The following CADPS variants were observed in gnomAD, a reference collection of about 807,000 sequenced individuals.
The protein encoded by CADPS is calcium dependent secretion activator.
Under a neutral mutation model 167.3 loss-of-function variants are expected in CADPS, and 57 were observed. The ratio of observed to expected loss-of-function variants is 0.34; its 90% CI spans 0.28 to 0.42. CADPS has a LOEUF of 0.42. CADPS is among the 20% of genes least tolerant of loss of function. The pLI, the probability that CADPS is intolerant of heterozygous loss-of-function variation, is 1.00. For synonymous variants in CADPS, 676 were observed against 635.3 expected (o/e 1.06, Z -0.96); for missense variants, 1,414 against 1,738.1 (o/e 0.81, Z 3.32).
intron 12 of CADPS, among the ~76,000 whole-genome samples, chr3:62,535,461 G>T (rs2074497510): frequency 2.0e-5 from 3 of 151,254 alleles, no homozygotes; most frequent in Admixed American, 2.0e-4. Context: ...ATAAAAATTA[G>T]AAAAAAGAAA....
At chr3:62,535,726 T>G (rs1338650055) in intron 12 of CADPS, among the ~76,000 whole-genome samples, 1 of 152,068 alleles carries the variant, frequency 6.6e-6, no homozygotes, top group African/African-American at 2.4e-5. Flanking sequence ...TTTTAGGCGT[T>G]TGAATTTGAT....
chr3:62,483,584 A>G (rs1470310465), intron 21 of CADPS, among the ~76,000 whole-genome samples: 4 of 152,124 alleles, frequency 2.6e-5, no homozygotes, highest in Non-Finnish European at 4.4e-5. Context: ...TGTCCTTTAC[A>G]CCTCACATTT....
At chr3:62,868,437 T>G (rs2082082641) in intron 1 of CADPS, among the ~76,000 whole-genome samples, 1 of 152,108 alleles carries the variant, frequency 6.6e-6, no homozygotes, top group Non-Finnish European at 1.5e-5. Context: ...CCATCCCTTT[T>G]TGCAAATCCA....
chr3:62,811,292 T>A (rs1323515003), intron 1 of CADPS, among the ~76,000 whole-genome samples: 3 of 147,280 alleles, frequency 2.0e-5, no homozygotes, highest in African/African-American at 7.4e-5. Context: ...GCCAATCTTA[T>A]AAAAAAAAAA....
At chr3:62,818,341 T>C (rs1387124750) in intron 1 of CADPS, among the ~76,000 whole-genome samples, 2 of 152,020 alleles carry the variant, frequency 1.3e-5, no homozygotes, top group Admixed American at 6.6e-5. Flanking sequence ...TACAACTCAA[T>C]AGCAAAAAGT....
At chr3:62,422,015 A>T (rs1329360025) in intron 28 of CADPS, among the ~76,000 whole-genome samples, 1 of 152,240 alleles carries the variant, frequency 6.6e-6, no homozygotes, top group Non-Finnish European at 1.5e-5. Flanking sequence ...TGCTAAATAC[A>T]TAATAGCATT....
At chr3:62,676,776 T>G (rs2076399486) in intron 3 of CADPS, among the ~76,000 whole-genome samples, 1 of 152,156 alleles carries the variant, frequency 6.6e-6, no homozygotes, top group Admixed American at 6.5e-5. Context: ...CTGACCGTGC[T>G]TAATAGATTC....
rs2078394811 is a variant in CADPS, at chr3:62,733,719, AGGAAAAG to A, written c.888+19715_888+19721del. On this transcript the variant is annotated intron_variant, in intron 3 of 29. Transcript: ENST00000383710. ...TACATTTTAATTTGGGTAGTTTTTG[AGGAAAAG>A]GTGGTTTTTGGTTACGTGGATAAGT... is the stretch of plus-strand genomic sequence containing the variant. Among the ~76,000 whole-genome samples, 3 of 152,174 alleles carry A rather than the reference AGGAAAAG, an allele frequency of 2.0e-5. No individual in the cohort carries two copies. In the South Asian group the frequency reaches 6.2e-4, roughly 32 times the overall value.
At chr3:62,837,053 G>A (rs2076001439) in intron 1 of CADPS, among the ~76,000 whole-genome samples, 1 of 152,132 alleles carries the variant, frequency 6.6e-6, no homozygotes, top group African/African-American at 2.4e-5. Context: ...GTAACTGAAA[G>A]ACATTAAAGC....
intron 24 of CADPS, among the ~76,000 whole-genome samples, chr3:62,472,993 G>A (rs370468783): frequency 1.2e-4 from 19 of 152,318 alleles, no homozygotes; most frequent in South Asian, 1.0e-3. Flanking sequence ...AGACCACACC[G>A]CAGACCTATC....
chr3:62,849,077 T>C (rs1267201221), intron 1 of CADPS, among the ~76,000 whole-genome samples: 1 of 151,322 alleles, frequency 6.6e-6, no homozygotes, highest in Non-Finnish European at 1.5e-5. Context: ...TTTGGCTGTT[T>C]GTCTGTTGTT....
chr3:62,496,041 T>TAGG (rs2151195853), intron 18 of CADPS, among the ~76,000 whole-genome samples: 1 of 152,056 alleles, frequency 6.6e-6, no homozygotes, highest in South Asian at 2.1e-4. Flanking sequence ...GATCCAAGCT[T>TAGG]AGGATTTAGT....
intron 1 of CADPS, among the ~76,000 whole-genome samples, chr3:62,802,146 G>A (rs994934544): frequency 2.6e-5 from 4 of 152,090 alleles, no homozygotes; most frequent in Middle Eastern, 3.2e-3. Context: ...GGACACATAA[G>A]GCCAAGCCAA....
intron 13 of CADPS, chr3:62,530,751 T>A (rs766779274): frequency 3.9e-6 from 5 of 1,288,054 alleles, no homozygotes; most frequent in Non-Finnish European, 5.1e-6. Flanking sequence ...GGGGAGGGAG[T>A]TTTGCTCCCT....
chr3:62,841,342 G>A (rs531327701), intron 1 of CADPS, among the ~76,000 whole-genome samples: 1 of 152,298 alleles, frequency 6.6e-6, no homozygotes, highest in African/African-American at 2.4e-5. Context: ...CACAGTGCAT[G>A]GGTATTTTCC....
chr3:62,560,282 C>T (rs1210773688), intron 9 of CADPS, among the ~76,000 whole-genome samples: 2 of 152,148 alleles, frequency 1.3e-5, no homozygotes, highest in African/African-American at 4.8e-5. Context: ...TTTGGAAAGC[C>T]TTACATTTAT....
chr3:62,870,228 T>C (rs2082377632), intron 1 of CADPS, among the ~76,000 whole-genome samples: 2 of 152,194 alleles, frequency 1.3e-5, no homozygotes, highest in African/African-American at 4.8e-5. Context: ...ATTGGTTTAA[T>C]CGTCACTTTG....
At chr3:62,456,086 T>C (rs946252743) in intron 26 of CADPS, among the ~76,000 whole-genome samples, 2 of 152,054 alleles carry the variant, frequency 1.3e-5, no homozygotes, top group Non-Finnish European at 2.9e-5. Flanking sequence ...GCTCAAGGGA[T>C]GAGTTAAGAG....
intron 4 of CADPS, among the ~76,000 whole-genome samples, chr3:62,656,415 G>A (rs1252447295): frequency 6.6e-6 from 1 of 152,168 alleles, no homozygotes; most frequent in East Asian, 1.9e-4. Context: ...GGAAGAAAAT[G>A]AGGCAGAAGT....
Sources: allele counts gnomAD v4.1 joint callset (sites outside exome capture counted in the v4.1 genomes callset), GRCh38; gene constraint gnomAD v4.1.1; transcripts MANE v1.5; gene names NCBI Gene and HGNC (gene_info 2026-07-23, HGNC 2026-07-21).